Variants in PLSCR4 observed in about 807,000 individuals in gnomAD.
PLSCR4 encodes the protein phospholipid scramblase 4, also known as Ca(2+)-dependent phospholipid scramblase 4.
Under a neutral mutation model 36.3 loss-of-function variants are expected in PLSCR4, and 25 were observed. That is an observed-to-expected ratio of 0.69 (90% CI 0.50 to 0.96). The LOEUF (loss-of-function observed/expected upper bound fraction) is 0.96, where lower values mean the gene tolerates loss of function less well. PLSCR4 is among the 40% of genes least tolerant of loss of function. The pLI is 0.00. For missense variants in PLSCR4, 408 were observed against 414.7 expected (o/e 0.98, Z 0.14); for synonymous variants, 122 against 132.9 (o/e 0.92, Z 0.56).
chr3:146,206,783 G>T, intron 3 of PLSCR4, 22 bp from the exon 4 acceptor site: 4 of 1,442,998 alleles, frequency 2.8e-6, no homozygotes, highest in Non-Finnish European at 3.8e-6. Flanking sequence ...AGAAATCAAA[G>T]TGTTATATAT....
Position 146,223,214 on chromosome 3 carries a change from G to A in PLSCR4, c.-21-1122C>T, listed in dbSNP as rs367660896. On this transcript the variant is annotated intron_variant, in intron 1 of 8. Transcript: ENST00000354952. ...AAGTTGAGACGAGATTTGAAACAAG[G>A]AATGAGGGTGAAGGTAAATTTTTCT... Among the ~76,000 whole-genome samples the A allele has an allele frequency of 3.3e-5, 5 of 152,228 alleles. No homozygotes were observed. The East Asian group carries it at 7.7e-4, about 24-fold the overall frequency.
At chr3:146,203,417 A>G (rs1390397947) in intron 4 of PLSCR4, among the ~76,000 whole-genome samples, 1 of 152,014 alleles carries the variant, frequency 6.6e-6, no homozygotes, top group Admixed American at 6.6e-5. Context: ...TTTTCACGTC[A>G]GGCGTTGACT....
intron 6 of PLSCR4, 82 bp from the exon 7 acceptor site, chr3:146,196,875 G>A: frequency 8.4e-7 from 1 of 1,186,616 alleles, no homozygotes; most frequent in Non-Finnish European, 1.2e-6. Context: ...CAATCTAGAT[G>A]TGTCCTCACT....
chr3:146,243,301 T>C (rs1242583817), intron 1 of PLSCR4, among the ~76,000 whole-genome samples: 1 of 152,044 alleles, frequency 6.6e-6, no homozygotes, highest in East Asian at 1.9e-4. Flanking sequence ...TTGTTACATA[T>C]ATACATCTCT....
At chr3:146,247,259 G>A (rs59479963) in intron 1 of PLSCR4, among the ~76,000 whole-genome samples, 2,482 of 152,158 alleles carry the variant, frequency 0.016, 68 homozygotes, top group African/African-American at 0.056. Flanking sequence ...AGAACTGATG[G>A]ATCAAAGTTT....
intron 3 of PLSCR4, among the ~76,000 whole-genome samples, chr3:146,219,868 A>AG (rs1263997284): frequency 6.6e-6 from 1 of 152,144 alleles, no homozygotes; most frequent in African/African-American, 2.4e-5. Flanking sequence ...TGAACCTGGG[A>AG]GGTGGAGGTT....
chr3:146,240,462 G>A (rs967527263), intron 1 of PLSCR4, among the ~76,000 whole-genome samples: 35 of 151,040 alleles, frequency 2.3e-4, no homozygotes, highest in African/African-American at 8.3e-4. Context: ...AACATTAGCT[G>A]AGCAAGGTGG....
chr3:146,249,338 T>C (rs1300436150), intron 1 of PLSCR4, among the ~76,000 whole-genome samples: 2 of 152,104 alleles, frequency 1.3e-5, no homozygotes, highest in Non-Finnish European at 2.9e-5. Context: ...TGAGGAAAAG[T>C]TCCAGTTTTA....
rs543343067 is a variant in PLSCR4 at position 146,233,735 on chromosome 3, C to T, written c.-21-11643G>A. 3.3e-5 allele frequency among the ~76,000 whole-genome samples: 5 copies of T among 152,164 alleles called. No individual in the cohort carries two copies. In the East Asian group the frequency reaches 5.8e-4, roughly 18 times the overall value. ...AAGCAATCTGTTCAAGGTTATAGCTCTATAACCTGGAAACTACAGTTCAAA... is the reference window on the plus strand; with the variant it reads ...AAGCAATCTGTTCAAGGTTATAGCTTTATAACCTGGAAACTACAGTTCAAA... On this transcript the variant is annotated intron_variant, in intron 1 of 8. Transcript: ENST00000354952.
intron 1 of PLSCR4, among the ~76,000 whole-genome samples, chr3:146,225,688 C>T (rs1006390107): frequency 6.6e-6 from 1 of 152,210 alleles, no homozygotes; most frequent in African/African-American, 2.4e-5. Context: ...CTAAGTCCCT[C>T]ATTGCCCGGG....
chr3:146,205,122 T>G (rs1268136275), intron 4 of PLSCR4, among the ~76,000 whole-genome samples: 1 of 152,024 alleles, frequency 6.6e-6, no homozygotes, highest in Non-Finnish European at 1.5e-5. Flanking sequence ...GGGAGGTAAG[T>G]ATTAAATTGG....
rs193036000 is a variant in PLSCR4 at position 146,208,951 on chromosome 3, G to A, written c.119-2190C>T. Reference sequence around the variant, plus strand: ...GAAAAGAAGTCAAAAAAAGATACTTGCATATGCATGTTTATAGCAGCGCAA... The same window carrying A: ...GAAAAGAAGTCAAAAAAAGATACTTACATATGCATGTTTATAGCAGCGCAA... On this transcript the variant is annotated intron_variant, in intron 3 of 8. Coordinates refer to ENST00000354952, the MANE Select transcript of PLSCR4 (RefSeq NM_020353.3). 1.2e-4 allele frequency among the ~76,000 whole-genome samples: 19 copies of A among 152,180 alleles called. No homozygotes were observed. In the East Asian group the frequency reaches 3.3e-3, roughly 26 times the overall value.
chr3:146,244,266 T>A (rs1264696515), intron 1 of PLSCR4, among the ~76,000 whole-genome samples: 1 of 152,164 alleles, frequency 6.6e-6, no homozygotes, highest in Non-Finnish European at 1.5e-5. Context: ...CTTCAGGCTA[T>A]ATGTTTAAAA....
chr3:146,236,148 C>A (rs1339881949), intron 1 of PLSCR4, among the ~76,000 whole-genome samples: 1 of 152,064 alleles, frequency 6.6e-6, no homozygotes, highest in Non-Finnish European at 1.5e-5. Context: ...AATTTCATAA[C>A]TAGAAGGAAG....
At chr3:146,215,099 T>A (rs1264781689) in intron 3 of PLSCR4, among the ~76,000 whole-genome samples, 1 of 152,078 alleles carries the variant, frequency 6.6e-6, no homozygotes, top group East Asian at 1.9e-4. Context: ...AACTACTAAG[T>A]TTGAGAAACT....
intron 1 of PLSCR4, chr3:146,223,788 A>G (rs2035289706): frequency 6.7e-6 from 1 of 149,440 alleles, no homozygotes; most frequent in South Asian, 2.1e-4. Context: ...CTTAAAAAAT[A>G]CATATAAATA....
rs1429388262 is a variant in PLSCR4 at position 146,192,485 on chromosome 3, G to T, written c.*1926C>A. On this transcript the variant is annotated 3_prime_UTR_variant, in exon 9 of 9. Transcript: ENST00000354952. ...AAGAAACATAGAAATCATGTGAATT[G>T]TATTAAAACTATGACATATGACAAT... 1 of 151,094 alleles carries T rather than the reference G, an allele frequency of 6.6e-6. No homozygotes were observed. Among genetic ancestry groups the T allele is most frequent in the East Asian group, 1.9e-4 (1 of 5,158 alleles). The allele number at this position is 151,094 out of a possible 1,614,324, so 9.4% of individuals were successfully genotyped here.
intron 4 of PLSCR4, among the ~76,000 whole-genome samples, chr3:146,202,537 T>C (rs1338715342): frequency 1.3e-5 from 2 of 152,054 alleles, no homozygotes; most frequent in African/African-American, 4.8e-5. Flanking sequence ...CTTGTCTCTA[T>C]GTTAATGATT....
chr3:146,199,826 G>C lies in PLSCR4; in HGVS notation c.611C>G (p.Ser204Cys), dbSNP rs777971555. The C allele has an allele frequency of 4.3e-6, 7 of 1,612,746 alleles. No individual in the cohort carries two copies. Among genetic ancestry groups the C allele is most frequent in the African/African-American group, 2.7e-5 (2 of 74,846 alleles). Reference sequence around the variant, plus strand: ...CCATTCTCTGACCTCTTGTCTGGCAGAGGGGCAACAGAAGCAACAGCAGGT... The same window carrying C: ...CCATTCTCTGACCTCTTGTCTGGCACAGGGGCAACAGAAGCAACAGCAGGT... ...RCTCCCFCCP[S>C]ARQELEVQCP... The change falls in exon 6 of 9, where the codon TCT (serine) becomes TGT (cysteine). Residue 204 changes from serine to cysteine, a missense_variant. By Grantham distance (112) the Ser-to-Cys change is moderately radical. Coordinates refer to ENST00000354952, the MANE Select transcript of PLSCR4 (RefSeq NM_020353.3).
Sources: gnomAD v4.1 joint callset for allele counts (sites outside exome capture counted in the v4.1 genomes callset) on GRCh38, gnomAD v4.1.1 for gene constraint, MANE v1.5 for transcripts, NCBI Gene and HGNC (gene_info 2026-07-23, HGNC 2026-07-21) for gene names.